PHLDB2: variants seen among roughly 807,000 people sequenced by gnomAD.
PHLDB2 encodes the protein pleckstrin homology like domain family B member 2.
PHLDB2 carries 71 observed loss-of-function variants against 123.6 expected under a neutral mutation model. The observed-to-expected ratio is 0.57, with a 90% CI of 0.47 to 0.70. The LOEUF (loss-of-function observed/expected upper bound fraction) is 0.70, where lower values mean the gene tolerates loss of function less well. PHLDB2 is among the 30% of genes least tolerant of loss of function. PHLDB2 has a pLI of 0.00. For missense variants in PHLDB2, 1,446 were observed against 1,519.5 expected (o/e 0.95, Z 0.80); for synonymous variants, 547 against 541.6 (o/e 1.01, Z -0.14).
chr3:111,969,861 C>A lies in PHLDB2; in HGVS notation c.3487C>A (p.Arg1163Ser). Reference sequence around the variant, plus strand: ...TGGGAAAATTAAAACGTGGAAAAAACGTTGGTTTGTTTTTGATCGGAACAA... The same window carrying A: ...TGGGAAAATTAAAACGTGGAAAAAAAGTTGGTTTGTTTTTGATCGGAACAA... ...MGGKIKTWKK[R>S]WFVFDRNKRT... The change falls in exon 16 of 18, where the codon CGT becomes AGT. Residue 1163 changes from arginine (R) to serine (S), a missense_variant. By Grantham distance (110) the Arg-to-Ser change is moderately radical. Coordinates refer to ENST00000431670, the MANE Select transcript of PHLDB2 (RefSeq NM_001134438.2). 1 of 1,613,984 alleles carries A rather than the reference C, an allele frequency of 6.2e-7. No individual in the cohort carries two copies. Among genetic ancestry groups the A allele is most frequent in the South Asian group, 1.1e-5 (1 of 91,084 alleles).
At chr3:111,916,272 A>T (rs1282945) in intron 3 of PHLDB2, 105,816 of 152,146 alleles carry the variant, frequency 0.7, 37,260 homozygotes, top group East Asian at 0.89. Context: ...CACCCAGGTT[A>T]CCAGACAGCA....
At chr3:111,783,910 T>C (rs3922706) in intron 1 of PHLDB2, among the ~76,000 whole-genome samples, 101,497 of 152,046 alleles carry the variant, frequency 0.67, 35,553 homozygotes, top group East Asian at 0.93. Flanking sequence ...AACCAGATGG[T>C]AAACTGAGGG....
rs144329570 is a variant in PHLDB2, at chr3:111,868,296, G to A, written c.-15+8720G>A. Among the ~76,000 whole-genome samples, 35 of 152,244 alleles carry A rather than the reference G, an allele frequency of 2.3e-4. 1 individual carries two copies. The East Asian group carries it at 6.4e-3, about 28-fold the overall frequency. ...CGGCCTCCTGAAGTGCTGGGATTAT[G>A]AGCCTCAGCCACCTTGCCTAGCTTC... On this transcript the variant is annotated intron_variant, in intron 1 of 17. Coordinates refer to ENST00000431670, the MANE Select transcript of PHLDB2 (RefSeq NM_001134438.2).
Position 111,967,627 on chromosome 3 carries a change from C to T in PHLDB2, c.3169-51C>T. The T allele has an allele frequency of 4.7e-6, 7 of 1,489,458 alleles. No individual in the cohort carries two copies. The East Asian group carries it at 1.5e-4, about 31-fold the overall frequency. 92.3% of individuals were successfully genotyped at this position (1,489,458 alleles called of 1,614,324 possible). A position where few individuals can be genotyped will look rare whatever the true frequency, so the allele number is the denominator to read the frequency against. ...CTTTTTTATATTGATTGGAACCATT[C>T]AAGTATAACCAGTATGTTTTAAAAT... On this transcript the variant is annotated intron_variant, in intron 14 of 17. Transcript: ENST00000431670.
chr3:111,830,956 A>AAG (rs1174498405), intron 1 of PHLDB2, among the ~76,000 whole-genome samples: 1,548 of 23,362 alleles, frequency 0.066, 150 homozygotes, highest in Admixed American at 0.084. Flanking sequence ...AGAAAGAAAG[A>AAG]GAAAGAAAGA....
chr3:111,955,307 C>G (rs1329089814), intron 12 of PHLDB2, among the ~76,000 whole-genome samples: 1 of 151,892 alleles, frequency 6.6e-6, no homozygotes, highest in East Asian at 1.9e-4. Flanking sequence ...ATTTTATTTT[C>G]TTTGCCATAA....
intron 11 of PHLDB2, among the ~76,000 whole-genome samples, chr3:111,953,590 T>C (rs1276781225): frequency 6.6e-6 from 1 of 152,172 alleles, no homozygotes; most frequent in African/African-American, 2.4e-5. Flanking sequence ...TTTTGCATGG[T>C]GCGCATGCAT....
chr3:111,960,085 A>C, intron 12 of PHLDB2: 1 of 650,276 alleles, frequency 1.5e-6, no homozygotes, highest in Non-Finnish European at 1.9e-6. Flanking sequence ...TGAGCTTTTC[A>C]AATAATTTCT....
intron 1 of PHLDB2, among the ~76,000 whole-genome samples, chr3:111,816,067 G>A (rs1352022062): frequency 6.6e-6 from 1 of 151,426 alleles, no homozygotes; most frequent in Non-Finnish European, 1.5e-5. Flanking sequence ...ATCAAGAATT[G>A]AGGCTTTAGA....
At chr3:111,928,346 T>G (rs2107558043) in intron 5 of PHLDB2, among the ~76,000 whole-genome samples, 1 of 152,348 alleles carries the variant, frequency 6.6e-6, no homozygotes, top group East Asian at 1.9e-4. Flanking sequence ...TGTAGTTAAT[T>G]GCTTTTGCCT....
intron 1 of PHLDB2, among the ~76,000 whole-genome samples, chr3:111,764,399 T>C (rs570964190): frequency 6.6e-6 from 1 of 152,334 alleles, no homozygotes; most frequent in East Asian, 1.9e-4. Context: ...GAGTACATGG[T>C]AAACTAGCAC....
At chr3:111,919,320 A>C in intron 4 of PHLDB2, 105 bp downstream of exon 4, 1 of 1,149,058 alleles carries the variant, frequency 8.7e-7, no homozygotes, top group Non-Finnish European at 1.3e-6. Flanking sequence ...AGACGTCAAC[A>C]CAAGCAAACA....
intron 6 of PHLDB2, among the ~76,000 whole-genome samples, chr3:111,933,208 A>T (rs910119302): frequency 6.6e-6 from 1 of 152,230 alleles, no homozygotes; most frequent in African/African-American, 2.4e-5. Context: ...CTGGGGAAGC[A>T]GTCGTTAACA....
intron 1 of PHLDB2, among the ~76,000 whole-genome samples, chr3:111,765,383 C>G (rs1165891869): frequency 6.6e-6 from 1 of 152,186 alleles, no homozygotes; most frequent in Non-Finnish European, 1.5e-5. Context: ...TCTGCCACCC[C>G]CACAGGCTTC....
At chr3:111,801,582 G>T (rs924739179) in intron 1 of PHLDB2, among the ~76,000 whole-genome samples, 1 of 152,272 alleles carries the variant, frequency 6.6e-6, no homozygotes, top group East Asian at 1.9e-4. Flanking sequence ...TAAGTATTCA[G>T]TGAAGAGTAG....
At chr3:111,833,992 T>TGG (rs2063212256) in intron 1 of PHLDB2, among the ~76,000 whole-genome samples, 1 of 110,578 alleles carries the variant, frequency 9.0e-6, no homozygotes, top group African/African-American at 4.0e-5. Context: ...ATATATGTAA[T>TGG]AGAATTATAT....
At chr3:111,892,410 T>TTAA (rs1324145291) in intron 2 of PHLDB2, among the ~76,000 whole-genome samples, 5 of 152,224 alleles carry the variant, frequency 3.3e-5, no homozygotes, top group Non-Finnish European at 7.3e-5. Flanking sequence ...CCTAGCCAGA[T>TTAA]GACTAGAGTA....
In PHLDB2 at chr3:111,736,592, T is replaced by A. The variant is rs538635111; in HGVS notation, c.-49+3889T>A. Among the ~76,000 whole-genome samples, 278 of 152,266 alleles carry A rather than the reference T, an allele frequency of 1.8e-3. 1 individual carries two copies. The highest frequency in any genetic ancestry group is 6.4e-3 in the African/African-American group (267 of 41,550). On this transcript the variant is annotated intron_variant, in intron 1 of 17. Transcript: ENST00000393923. ...TCACGCAGTTCCCTGGATTCCTAAG[T>A]CCTACAAATGGTAGGAATGGGGCCT...
chr3:111,827,828 G>A (rs1171428171), intron 1 of PHLDB2, among the ~76,000 whole-genome samples: 1 of 152,076 alleles, frequency 6.6e-6, no homozygotes, highest in Non-Finnish European at 1.5e-5. Flanking sequence ...TGTAGGTAGA[G>A]TCTCAGGGCT....
Sources: gnomAD v4.1 joint callset for allele counts (sites outside exome capture counted in the v4.1 genomes callset) on GRCh38, gnomAD v4.1.1 for gene constraint, MANE v1.5 for transcripts, NCBI Gene and HGNC (gene_info 2026-07-23, HGNC 2026-07-21) for gene names.